ATF7IP: variants seen among roughly 807,000 people sequenced by gnomAD.
ATF7IP encodes activating transcription factor 7 interacting protein.
A neutral mutation model predicts 106.4 loss-of-function variants in ATF7IP; 23 were observed. That is an observed-to-expected ratio of 0.22 (90% CI 0.16 to 0.31). ATF7IP has a LOEUF of 0.31. Ranked by LOEUF, ATF7IP falls within the 10% of genes least tolerant of loss-of-function variation. ATF7IP has a pLI of 1.00. For synonymous variants in ATF7IP, 542 were observed against 539.0 expected (o/e 1.01, Z -0.08); for missense variants, 1,334 against 1,524.3 (o/e 0.88, Z 2.08).
chr12:14,389,060 C>G (rs775150764), intron 1 of ATF7IP, among the ~76,000 whole-genome samples: 3 of 152,176 alleles, frequency 2.0e-5, no homozygotes, highest in Non-Finnish European at 4.4e-5. Flanking sequence ...TCTTGAAATA[C>G]TCTGCAAAAA....
chr12:14,373,585 A>G (rs938404485), intron 1 of ATF7IP, among the ~76,000 whole-genome samples: 2 of 152,224 alleles, frequency 1.3e-5, no homozygotes, highest in Non-Finnish European at 1.5e-5. Context: ...ATCTAGCTGG[A>G]TAATCATATG....
intron 1 of ATF7IP, 139 bp from the exon 2 acceptor site, chr12:14,423,770 A>G: frequency 2.2e-6 from 2 of 910,370 alleles, no homozygotes; most frequent in Non-Finnish European, 3.2e-6. Context: ...TTAGTATACA[A>G]CAAGCAGTAG....
chr12:14,497,528 G>A (rs1023653803), intron 14 of ATF7IP, 126 bp from the exon 15 acceptor site: 6 of 998,868 alleles, frequency 6.0e-6, no homozygotes, highest in Admixed American at 2.9e-5. Flanking sequence ...TATGGTATTT[G>A]GTATTTCCTA....
At chr12:14,466,805 ATAAT>A (rs960075811) in intron 10 of ATF7IP, among the ~76,000 whole-genome samples, 36 of 152,204 alleles carry the variant, frequency 2.4e-4, no homozygotes, top group African/African-American at 7.7e-4. Context: ...CTTAGAGGTA[ATAAT>A]TAGTTTATTC....
intron 9 of ATF7IP, among the ~76,000 whole-genome samples, chr12:14,464,809 C>T (rs1226624241): frequency 6.6e-6 from 1 of 152,102 alleles, no homozygotes; most frequent in African/African-American, 2.4e-5. Context: ...GCAATTAGGT[C>T]TAAGAGAGAA....
chr12:14,459,150 A>G (rs957917954), intron 8 of ATF7IP, among the ~76,000 whole-genome samples: 1 of 152,184 alleles, frequency 6.6e-6, no homozygotes, highest in Non-Finnish European at 1.5e-5. Context: ...TGGCTTACCT[A>G]GTTTATTTTT....
intron 1 of ATF7IP, among the ~76,000 whole-genome samples, chr12:14,369,594 C>A (rs1938451394): frequency 6.6e-6 from 1 of 152,110 alleles, no homozygotes; most frequent in South Asian, 2.1e-4. Context: ...TGCCTTGGCC[C>A]CCACAGTGCT....
intron 6 of ATF7IP, among the ~76,000 whole-genome samples, chr12:14,448,245 A>G (rs1225047642): frequency 6.6e-6 from 1 of 152,160 alleles, no homozygotes; most frequent in Non-Finnish European, 1.5e-5. Context: ...ATAGAGCCCT[A>G]TGAACTCTTC....
intron 1 of ATF7IP, among the ~76,000 whole-genome samples, chr12:14,407,835 A>G (rs1226405334): frequency 2.0e-5 from 3 of 152,138 alleles, no homozygotes; most frequent in Non-Finnish European, 2.9e-5. Flanking sequence ...TTTTGTGGAA[A>G]GAAGTTTGTG....
At chr12:14,456,880 T>G (rs1006525180) in intron 7 of ATF7IP, among the ~76,000 whole-genome samples, 12 of 152,356 alleles carry the variant, frequency 7.9e-5, no homozygotes, top group African/African-American at 2.9e-4. Flanking sequence ...TAAATAGTAT[T>G]CTTTCAAGTA....
chr12:14,483,638 C>T (rs1160977598), intron 13 of ATF7IP, among the ~76,000 whole-genome samples: 8 of 152,150 alleles, frequency 5.3e-5, no homozygotes, highest in South Asian at 4.2e-4. Flanking sequence ...CACTTCCACC[C>T]CCTGATTCCT....
intron 1 of ATF7IP, among the ~76,000 whole-genome samples, chr12:14,368,194 G>A (rs1021464597): frequency 5.3e-5 from 8 of 151,946 alleles, no homozygotes; most frequent in African/African-American, 1.9e-4. Flanking sequence ...CCACTCTAAA[G>A]GTATTGGTGA....
chr12:14,469,642 A>C (rs1943966023), intron 10 of ATF7IP, among the ~76,000 whole-genome samples: 2 of 152,084 alleles, frequency 1.3e-5, no homozygotes, highest in Admixed American at 1.3e-4. Flanking sequence ...TGCTATCTGT[A>C]ATTGTTGTTT....
At chr12:14,397,189 A>G (rs1489971853) in intron 1 of ATF7IP, among the ~76,000 whole-genome samples, 1 of 152,138 alleles carries the variant, frequency 6.6e-6, no homozygotes, top group African/African-American at 2.4e-5. Flanking sequence ...AAACAAACAA[A>G]AAAACAAAAC....
chr12:14,402,667 G>C (rs1940315228), intron 1 of ATF7IP, among the ~76,000 whole-genome samples: 1 of 149,282 alleles, frequency 6.7e-6, no homozygotes, highest in African/African-American at 2.5e-5. Context: ...GAAGTGAAGT[G>C]GTGCGGTGTT....
At chr12:14,465,232 A>G (rs997007089) in intron 9 of ATF7IP, among the ~76,000 whole-genome samples, 1 of 152,042 alleles carries the variant, frequency 6.6e-6, no homozygotes, top group Non-Finnish European at 1.5e-5. Flanking sequence ...AAAATAATAA[A>G]TAAAATAAAG....
chr12:14,449,406 C>T (rs1411894389), intron 6 of ATF7IP, among the ~76,000 whole-genome samples: 2 of 152,000 alleles, frequency 1.3e-5, no homozygotes, highest in Admixed American at 6.6e-5. Context: ...GTCCTTATCC[C>T]GTTGTGTGGT....
rs1453178261 is a variant in ATF7IP, at chr12:14,461,029, A to G, written c.2693A>G (p.Tyr898Cys). The G allele has an allele frequency of 1.7e-5, 27 of 1,614,032 alleles. No individual in the cohort carries two copies. The highest frequency in any genetic ancestry group is 2.2e-5 in the East Asian group (1 of 44,874). The change falls in exon 9 of 15, where the codon TAT becomes TGT. Residue 898 changes from tyrosine to cysteine, a missense_variant. By Grantham distance (194) the Tyr-to-Cys change is radical. Coordinates refer to ENST00000261168, the MANE Select transcript of ATF7IP (RefSeq NM_018179.5). The stretch of plus-strand genomic sequence containing the variant: ...CCCACAGTGGGCCCATCAGGACTCT[A>G]TAGTCCATCAACTAATCGAGGTCCT... ...SLPTVGPSGL[Y>C]SPSTNRGPIQ...
chr12:14,468,210 G>A (rs1293657696), intron 10 of ATF7IP, among the ~76,000 whole-genome samples: 1 of 150,058 alleles, frequency 6.7e-6, no homozygotes. Flanking sequence ...GGAGGTTGCA[G>A]TGAGCTGAGA....
Sources: allele counts gnomAD v4.1 joint callset (sites outside exome capture counted in the v4.1 genomes callset), GRCh38; gene constraint gnomAD v4.1.1; transcripts MANE v1.5; gene names NCBI Gene and HGNC (gene_info 2026-07-23, HGNC 2026-07-21).